Variants in TRIP12 observed in about 807,000 individuals in gnomAD.
TRIP12 encodes the protein thyroid hormone receptor interactor 12.
TRIP12 carries 25 observed loss-of-function variants against 244.2 expected under a neutral mutation model. That is an observed-to-expected ratio of 0.10 (90% confidence interval 0.07 to 0.14). The LOEUF (loss-of-function observed/expected upper bound fraction) is 0.14, where lower values mean the gene tolerates loss of function less well. Ranked by LOEUF, TRIP12 falls within the 10% of genes least tolerant of loss-of-function variation. The pLI, the probability that TRIP12 is intolerant of heterozygous loss-of-function variation, is 1.00. For missense variants in TRIP12, 1,677 were observed against 2,486.4 expected (o/e 0.67, Z 6.92); for synonymous variants, 905 against 873.1 (o/e 1.04, Z -0.64).
At chr2:229,910,619 C>CTA (rs2074077584) in intron 1 of TRIP12, among the ~76,000 whole-genome samples, 1 of 151,926 alleles carries the variant, frequency 6.6e-6, no homozygotes, top group Non-Finnish European at 1.5e-5. Flanking sequence ...ATGTCATGGC[C>CTA]TAATATACAG....
intron 8 of TRIP12, among the ~76,000 whole-genome samples, chr2:229,828,749 A>G (rs2052452711): frequency 6.6e-6 from 1 of 152,142 alleles, no homozygotes; most frequent in African/African-American, 2.4e-5. Context: ...CCTGGACGAC[A>G]GAGCAAGACT....
rs1157663489 is a variant in TRIP12 at position 229,808,323 on chromosome 2, T to C, written c.2268A>G (p.Gly756=). The part of the protein sequence containing the change: ...LHFLLCGASN[G]SCQEQIDLVP... ...CAAGATCAATCTGTTCCTGACAACTTCCATTGGAGGCACCACACAGGAGAA... is the reference window on the plus strand; with the variant it reads ...CAAGATCAATCTGTTCCTGACAACTCCCATTGGAGGCACCACACAGGAGAA... The change falls in exon 16 of 42, where the codon GGA becomes GGG. Residue 756 remains glycine (G), a synonymous_variant. Transcript: ENST00000675903. 6.2e-7 allele frequency: 1 copy of C among 1,613,660 alleles called. No individual in the cohort carries two copies.
intron 2 of TRIP12, among the ~76,000 whole-genome samples, chr2:229,868,461 C>G (rs1453740215): frequency 6.6e-6 from 1 of 152,136 alleles, no homozygotes; most frequent in African/African-American, 2.4e-5. Context: ...CTTCAGCCTC[C>G]CAAAGTACTG....
intron 1 of TRIP12, among the ~76,000 whole-genome samples, chr2:229,886,750 A>G (rs1355323765): frequency 3.3e-5 from 5 of 152,228 alleles, no homozygotes; most frequent in Non-Finnish European, 7.3e-5. Flanking sequence ...TACAGGCATG[A>G]GCCACTGTGC....
intron 3 of TRIP12, among the ~76,000 whole-genome samples, chr2:229,859,905 G>A (rs1337923407): frequency 2.6e-5 from 4 of 152,162 alleles, no homozygotes; most frequent in African/African-American, 7.2e-5. Flanking sequence ...GAATATTGAT[G>A]CCCTATTCAC....
rs1415936167 is a variant in TRIP12, at chr2:229,800,483, A to C, written c.3207-1100T>G. ...TCTGAAAAAAAATTGGAAAATTTCC[A>C]ACACCTGACATTTCTATGGAATATA... is the stretch of plus-strand genomic sequence containing the variant. On this transcript the variant is annotated intron_variant, in intron 21 of 41. Coordinates refer to ENST00000675903, the MANE Select transcript of TRIP12 (RefSeq NM_001348323.3). 3.3e-5 allele frequency among the ~76,000 whole-genome samples: 5 copies of C among 152,176 alleles called. No homozygotes were observed. In the South Asian group the frequency reaches 1.0e-3, roughly 32 times the overall value.
intron 2 of TRIP12, among the ~76,000 whole-genome samples, chr2:229,864,409 C>A (rs1274574589): frequency 6.6e-6 from 1 of 152,000 alleles, no homozygotes; most frequent in East Asian, 1.9e-4. Context: ...TATAATTATT[C>A]TTGGGTAGAC....
chr2:229,782,933 A>T (rs2038745383), intron 34 of TRIP12, among the ~76,000 whole-genome samples: 1 of 151,704 alleles, frequency 6.6e-6, no homozygotes, highest in South Asian at 2.1e-4. Flanking sequence ...GTCTTAAAAC[A>T]AAAAAATTAG....
chr2:229,784,737 G>A (rs948519809), intron 34 of TRIP12, among the ~76,000 whole-genome samples: 11 of 152,106 alleles, frequency 7.2e-5, no homozygotes, highest in Non-Finnish European at 1.5e-4. Flanking sequence ...ATAATATGCC[G>A]CTATACATCC....
intron 19 of TRIP12, 102 bp from the exon 20 acceptor site, chr2:229,803,791 C>T: frequency 1.1e-6 from 1 of 936,332 alleles, no homozygotes. Flanking sequence ...CATTGTGAAA[C>T]CATTCTATTA....
chr2:229,777,566 A>T (rs962484259), intron 36 of TRIP12, 87 bp from the exon 37 acceptor site: 10 of 1,335,104 alleles, frequency 7.5e-6, no homozygotes, highest in Non-Finnish European at 1.1e-5. Context: ...GATCATTTAA[A>T]TATTAATAGG....
chr2:229,798,935 C>T lies in TRIP12; in HGVS notation c.3422G>A (p.Arg1141Gln), dbSNP rs773960182. 7 of 1,614,182 alleles carry T rather than the reference C, an allele frequency of 4.3e-6. No homozygotes were observed. Among genetic ancestry groups the T allele is most frequent in the Admixed American group, 3.3e-5 (2 of 60,018 alleles). ...QSNSNNIEPA[R>Q]TAGGSGLARA... ...GGCAAGGCCACTACCTCCCGCAGTCCGTGCTGGCTCAATGTTGTTGCTGTT... is the reference window on the plus strand; with the variant it reads ...GGCAAGGCCACTACCTCCCGCAGTCTGTGCTGGCTCAATGTTGTTGCTGTT... The change falls in exon 23 of 42, where the codon CGG becomes CAG. Residue 1141 changes from arginine (R) to glutamine (Q), a missense_variant. Physicochemically the swap from Arg to Gln is conservative, Grantham distance 43. Around this residue, in one of 11 missense-constraint regions of TRIP12, gnomAD observed 572 missense variants for 867.8 expected, o/e 0.66. Transcript: ENST00000675903.
At chr2:229,882,038 T>C (rs2064994337) in intron 1 of TRIP12, among the ~76,000 whole-genome samples, 1 of 152,228 alleles carries the variant, frequency 6.6e-6, no homozygotes, top group Non-Finnish European at 1.5e-5. Flanking sequence ...AATTCTGGAC[T>C]CTAACACTAA....
At chr2:229,856,213 A>C (rs2059587225) in intron 4 of TRIP12, among the ~76,000 whole-genome samples, 1 of 152,226 alleles carries the variant, frequency 6.6e-6, no homozygotes, top group Non-Finnish European at 1.5e-5. Flanking sequence ...TGGCAGTGAA[A>C]ACGGAAAAGT....
At chr2:229,779,055 C>G (rs866297191) in intron 34 of TRIP12, 65 bp from the exon 35 acceptor site, 1 of 1,328,438 alleles carries the variant, frequency 7.5e-7, no homozygotes, top group Non-Finnish European at 1.1e-6. Context: ...CTGCCAACCT[C>G]TTGGAAATGT....
At position 229,880,068 on chromosome 2, in the gene TRIP12, C is replaced by A; in HGVS notation, c.12G>T (p.Arg4=). MSN[R]PNNNPGGSLR... Reference sequence around the variant, plus strand: ...GTGACCCCCCTGGATTGTTATTAGGCCGGTTGGACATTGGCACCTCTCTCT... The same window carrying A: ...GTGACCCCCCTGGATTGTTATTAGGACGGTTGGACATTGGCACCTCTCTCT... Residue 4 remains arginine, a synonymous_variant, in exon 2 of 42, where the codon CGG becomes CGT. Coordinates refer to ENST00000675903, the MANE Select transcript of TRIP12 (RefSeq NM_001348323.3). The A allele has an allele frequency of 1.2e-6, 2 of 1,614,080 alleles. No individual in the cohort carries two copies. The highest frequency in any genetic ancestry group is 1.7e-6 in the Non-Finnish European group (2 of 1,180,026).
At chr2:229,896,974 G>A (rs1012780818) in intron 1 of TRIP12, among the ~76,000 whole-genome samples, 37 of 152,284 alleles carry the variant, frequency 2.4e-4, no homozygotes, top group African/African-American at 8.2e-4. Flanking sequence ...GGGACTCTGG[G>A]TAATAACATA....
chr2:229,822,736 GA>G (rs146743478), intron 8 of TRIP12, among the ~76,000 whole-genome samples: 2,245 of 151,876 alleles, frequency 0.015, 47 homozygotes, highest in African/African-American at 0.051. Context: ...TTAAGTGGGG[GA>G]AAAAAAGACA....
chr2:229,778,132 T>TA lies in TRIP12; in HGVS notation c.5364+300dup, dbSNP rs944883573. Among the ~76,000 whole-genome samples the TA allele has an allele frequency of 6.6e-6, 1 of 152,170 alleles. No homozygotes were observed. The highest frequency in any genetic ancestry group is 2.4e-5 in the African/African-American group (1 of 41,442). On this transcript the variant is annotated intron_variant, in intron 36 of 41. Coordinates refer to ENST00000675903, the MANE Select transcript of TRIP12 (RefSeq NM_001348323.3). This position sits in a 1 kb window ranked among gnomAD's most constrained non-coding sequence, Gnocchi z 4.1. ...CAGACTTTAAAAAATAAATAATTAATACCACCTTAACTTGCCTGATTATCT... is the reference window on the plus strand; with the variant it reads ...CAGACTTTAAAAAATAAATAATTAATAACCACCTTAACTTGCCTGATTATCT...
Sources: allele counts gnomAD v4.1 joint callset (sites outside exome capture counted in the v4.1 genomes callset), GRCh38; gene constraint gnomAD v4.1.1; regional missense constraint gnomAD v4.1.1; non-coding constraint Gnocchi (gnomAD v3.1); transcripts MANE v1.5; gene names NCBI Gene and HGNC (gene_info 2026-07-23, HGNC 2026-07-21).